Variants in ZNF704 observed in about 807,000 individuals in gnomAD.
The protein encoded by ZNF704 is glucocorticoid induced gene 1.
Under a neutral mutation model 44.7 loss-of-function variants are expected in ZNF704, and 10 were observed. That is an observed-to-expected ratio of 0.22 (90% confidence interval 0.14 to 0.38). ZNF704 has a LOEUF of 0.38. ZNF704 is among the 10% of genes least tolerant of loss of function. The pLI is 1.00. For synonymous variants in ZNF704, 211 were observed against 207.6 expected (o/e 1.02, Z -0.14); for missense variants, 390 against 545.5 (o/e 0.71, Z 2.84).
At chr8:80,864,495 T>C (rs536125752) in intron 1 of ZNF704, among the ~76,000 whole-genome samples, 1 of 152,308 alleles carries the variant, frequency 6.6e-6, no homozygotes, top group South Asian at 2.1e-4. Flanking sequence ...ACTCTTCCAA[T>C]TTCCTCTTTG....
intron 2 of ZNF704, among the ~76,000 whole-genome samples, chr8:80,781,577 G>A (rs933187081): frequency 6.6e-6 from 1 of 152,172 alleles, no homozygotes; most frequent in Non-Finnish European, 1.5e-5. Context: ...TGCACTTTGC[G>A]AATCGCTGCT....
chr8:80,826,133 C>T (rs1586056253), intron 1 of ZNF704, among the ~76,000 whole-genome samples: 3 of 152,158 alleles, frequency 2.0e-5, no homozygotes, highest in South Asian at 4.1e-4. Context: ...ATCAATGAAT[C>T]CAGGAGGTGG....
chr8:80,860,403 A>G (rs1158056383), intron 1 of ZNF704, among the ~76,000 whole-genome samples: 3 of 152,278 alleles, frequency 2.0e-5, no homozygotes, highest in African/African-American at 7.2e-5. Context: ...TAGCTTTTAG[A>G]TATGTCTGAG....
chr8:80,736,633 G>C (rs1331499638), intron 2 of ZNF704, among the ~76,000 whole-genome samples: 3 of 152,108 alleles, frequency 2.0e-5, no homozygotes, highest in Non-Finnish European at 4.4e-5. Context: ...AAAAAAAATT[G>C]GTGCCTGGCT....
At chr8:80,786,953 T>C (rs1807625451) in intron 2 of ZNF704, among the ~76,000 whole-genome samples, 1 of 152,220 alleles carries the variant, frequency 6.6e-6, no homozygotes, top group Non-Finnish European at 1.5e-5. Context: ...AATACATTTT[T>C]AGTAAGTCCG....
intron 4 of ZNF704, among the ~76,000 whole-genome samples, chr8:80,683,503 C>A (rs1008618381): frequency 1.3e-5 from 2 of 152,212 alleles, no homozygotes; most frequent in South Asian, 4.1e-4. Flanking sequence ...CCACGTTTTT[C>A]TCCTCTGTGG....
At chr8:80,678,930 A>C (rs1179300770) in intron 4 of ZNF704, among the ~76,000 whole-genome samples, 2 of 152,094 alleles carry the variant, frequency 1.3e-5, no homozygotes, top group African/African-American at 4.8e-5. Context: ...GGAAAGCAGG[A>C]AGGTATTGAT....
At chr8:80,752,372 T>C (rs917529635) in intron 2 of ZNF704, among the ~76,000 whole-genome samples, 3 of 151,662 alleles carry the variant, frequency 2.0e-5, no homozygotes, top group Non-Finnish European at 4.4e-5. Flanking sequence ...ACTGGACCAA[T>C]ACAATGATCA....
chr8:80,873,147 C>A (rs891231418), intron 1 of ZNF704, among the ~76,000 whole-genome samples: 1 of 152,174 alleles, frequency 6.6e-6, no homozygotes, highest in Non-Finnish European at 1.5e-5. Context: ...AGGGGACACT[C>A]CTTCCTTGGG....
Position 80,631,387 on chromosome 8 carries a change from C to G in ZNF704, c.*9979G>C, listed in dbSNP as rs1817582061. 2 of 152,176 alleles carry G rather than the reference C, an allele frequency of 1.3e-5. No individual in the cohort carries two copies. 9.4% of individuals were successfully genotyped at this position (152,176 alleles called of 1,614,324 possible). On this transcript the variant is annotated 3_prime_UTR_variant, in exon 9 of 9. Coordinates refer to ENST00000327835, the MANE Select transcript of ZNF704 (RefSeq NM_001033723.3). ...CTTAACAACATGAGTGGACTGAAGT[C>G]CTTTTCTCTTTCCATAAATACGAAA... is the stretch of plus-strand genomic sequence containing the variant.
chr8:80,797,210 G>A (rs1417044855), intron 2 of ZNF704, among the ~76,000 whole-genome samples: 1 of 152,204 alleles, frequency 6.6e-6, no homozygotes, highest in Non-Finnish European at 1.5e-5. Context: ...CCTGGGTTCA[G>A]CCCATGCTGG....
intron 1 of ZNF704, among the ~76,000 whole-genome samples, chr8:80,835,391 A>G: frequency 6.6e-6 from 1 of 152,160 alleles, no homozygotes; most frequent in East Asian, 1.9e-4. Context: ...ACATGACACC[A>G]CAGGAACAGT....
Position 80,648,445 on chromosome 8 carries a change from T to C in ZNF704, c.1033-5316A>G, listed in dbSNP as rs1817865825. 3.3e-5 allele frequency among the ~76,000 whole-genome samples: 5 copies of C among 152,310 alleles called. No homozygotes were observed. In the South Asian group the frequency reaches 1.0e-3, roughly 32 times the overall value. On this transcript the variant is annotated intron_variant, in intron 7 of 8. Coordinates refer to ENST00000327835, the MANE Select transcript of ZNF704 (RefSeq NM_001033723.3). ...ACAGTCATGTTTCAGCTTCTTATTT[T>C]AGTTGAGGATGAGGGTGGAGAAACC...
chr8:80,840,442 C>T (rs1489887944), intron 1 of ZNF704, among the ~76,000 whole-genome samples: 6 of 152,152 alleles, frequency 3.9e-5, no homozygotes, highest in Non-Finnish European at 7.3e-5. Flanking sequence ...TGGACACCCC[C>T]GCTCTAAAGT....
intron 2 of ZNF704, among the ~76,000 whole-genome samples, chr8:80,785,354 T>C (rs1801978044): frequency 6.6e-6 from 1 of 152,174 alleles, no homozygotes; most frequent in Admixed American, 6.5e-5. Context: ...TTCTCCACTG[T>C]ATTTACTCTT....
At chr8:80,671,475 G>A (rs1416078040) in intron 4 of ZNF704, among the ~76,000 whole-genome samples, 2 of 152,160 alleles carry the variant, frequency 1.3e-5, no homozygotes, top group African/African-American at 2.4e-5. Context: ...ATTATTATGA[G>A]GATTAAATGA....
chr8:80,759,298 T>C (rs1028777478), intron 2 of ZNF704, among the ~76,000 whole-genome samples: 6 of 151,550 alleles, frequency 4.0e-5, no homozygotes, highest in Middle Eastern at 3.4e-3. Context: ...TTTTTTTTTT[T>C]CCACTAGCAA....
chr8:80,868,677 C>A (rs551948907), intron 1 of ZNF704, among the ~76,000 whole-genome samples: 1 of 152,350 alleles, frequency 6.6e-6, no homozygotes, highest in Admixed American at 6.5e-5. Context: ...AAATACCCAA[C>A]AAATATTTGT....
intron 1 of ZNF704, among the ~76,000 whole-genome samples, chr8:80,852,415 T>C (rs554738394): frequency 5.9e-5 from 9 of 152,354 alleles, no homozygotes; most frequent in African/African-American, 2.2e-4. Flanking sequence ...TAAACTTTAA[T>C]AATTTCTGTT....
Sources: gnomAD v4.1 joint callset for allele counts (sites outside exome capture counted in the v4.1 genomes callset) on GRCh38, gnomAD v4.1.1 for gene constraint, MANE v1.5 for transcripts, NCBI Gene and HGNC (gene_info 2026-07-23, HGNC 2026-07-21) for gene names.